Variants in FERMT1 observed in about 807,000 individuals in gnomAD.
FERMT1 encodes the protein fermitin family homolog 1.
In FERMT1, 60 loss-of-function variants were observed where a neutral mutation model predicts 85.3. That is an observed-to-expected ratio of 0.70 (90% confidence interval 0.57 to 0.87). FERMT1 has a LOEUF of 0.87. Among genes scored for constraint, FERMT1 ranks in the 40% least tolerant of loss-of-function variants. The pLI is 0.00. For synonymous variants in FERMT1, 275 were observed against 301.1 expected (o/e 0.91, Z 0.90); for missense variants, 701 against 818.9 (o/e 0.86, Z 1.76).
intron 5 of FERMT1, among the ~76,000 whole-genome samples, chr20:6,107,920 C>T (rs1450648000): frequency 6.6e-6 from 1 of 152,128 alleles, no homozygotes; most frequent in Non-Finnish European, 1.5e-5. Flanking sequence ...GGCTTTAGTG[C>T]AGTGGTGCAG....
chr20:6,106,765 C>T (rs1331475857), intron 6 of FERMT1, among the ~76,000 whole-genome samples: 1 of 152,210 alleles, frequency 6.6e-6, no homozygotes, highest in Non-Finnish European at 1.5e-5. Context: ...CATAGATGAT[C>T]CCTTTCCCTC....
Position 6,079,418 on chromosome 20 carries a change from CA to C in FERMT1, c.1860+17del, listed in dbSNP as rs1568652052. On this transcript the variant is annotated intron_variant, in intron 14 of 14. Coordinates refer to ENST00000217289, the MANE Select transcript of FERMT1 (RefSeq NM_017671.5). ...CATTTATAGGCTCAACACTGAAGAG[CA>C]AAAACTTTCACTTTACCTGCCGGGT... The C allele has an allele frequency of 1.2e-6, 2 of 1,613,890 alleles. No individual in the cohort carries two copies. The highest frequency in any genetic ancestry group is 1.7e-6 in the Non-Finnish European group (2 of 1,179,860).
Position 6,104,659 on chromosome 20 carries a change from G to A in FERMT1, c.849+2873C>T, listed in dbSNP as rs1039821962. On this transcript the variant is annotated intron_variant, in intron 6 of 14. Coordinates refer to ENST00000217289, the MANE Select transcript of FERMT1 (RefSeq NM_017671.5). This position sits in a 1 kb window ranked among gnomAD's most constrained non-coding sequence, Gnocchi z 4.2. ...TTTCACTTTTTAGGCTATGAAGAGG[G>A]AGCTCCTCACCAATTAAGCGGGCAG... 6.6e-6 allele frequency among the ~76,000 whole-genome samples: 1 copy of A among 152,162 alleles called. No homozygotes were observed. Among genetic ancestry groups the A allele is most frequent in the South Asian group, 2.1e-4 (1 of 4,822 alleles).
At chr20:6,111,786 T>G (rs1982958533) in intron 4 of FERMT1, among the ~76,000 whole-genome samples, 1 of 152,132 alleles carries the variant, frequency 6.6e-6, no homozygotes, top group Non-Finnish European at 1.5e-5. Context: ...CATAAAAAAC[T>G]GAATTCAGGA....
rs377153001 is a variant in FERMT1, at chr20:6,112,568, C to A, written c.441G>T (p.Lys147Asn). Reference sequence around the variant, plus strand: ...TATTTTTGTCTTTTTTCTTCTTCTTCTTAAAATAGTCACCAGACGGCTTTA... The same window carrying A: ...TATTTTTGTCTTTTTTCTTCTTCTTATTAAAATAGTCACCAGACGGCTTTA... ...SLLKPSGDYF[K>N]KKKKKDKNNK... The change falls in exon 4 of 15, where the codon AAG (lysine) becomes AAT (asparagine). Residue 147 changes from lysine to asparagine, a missense_variant. Lys to Asn is a moderately conservative substitution (Grantham distance 94). Coordinates refer to ENST00000217289, the MANE Select transcript of FERMT1 (RefSeq NM_017671.5). The A allele has an allele frequency of 4.4e-6, 7 of 1,606,926 alleles. No homozygotes were observed. In the African/African-American group the frequency reaches 8.0e-5, roughly 18 times the overall value.
intron 11 of FERMT1, 87 bp downstream of exon 11, chr20:6,087,690 T>C: frequency 1.3e-6 from 1 of 782,608 alleles, no homozygotes; most frequent in South Asian, 1.4e-5. Context: ...GACACAATAG[T>C]GCTCTAAATT....
chr20:6,109,221 G>A (rs1982878060), intron 5 of FERMT1, among the ~76,000 whole-genome samples: 1 of 152,180 alleles, frequency 6.6e-6, no homozygotes, highest in Non-Finnish European at 1.5e-5. Context: ...ACAATGTGAT[G>A]TTGGAGTGAG....
At chr20:6,122,735 C>A (rs557296586) in intron 1 of FERMT1, 39 bp downstream of exon 1, 1 of 152,380 alleles carries the variant, frequency 6.6e-6, no homozygotes, top group Non-Finnish European at 1.5e-5. Flanking sequence ...GAAAGCCTCC[C>A]AACCTCTAGC....
intron 3 of FERMT1, among the ~76,000 whole-genome samples, chr20:6,113,774 T>C (rs1983025946): frequency 6.6e-6 from 1 of 152,202 alleles, no homozygotes; most frequent in Admixed American, 6.5e-5. Flanking sequence ...AAGTGTAACC[T>C]GATTGGTGAC....
At chr20:6,109,401 G>A (rs1206942449) in intron 5 of FERMT1, among the ~76,000 whole-genome samples, 3 of 152,208 alleles carry the variant, frequency 2.0e-5, no homozygotes, top group Non-Finnish European at 4.4e-5. Flanking sequence ...GCACCCAGGC[G>A]GCACGGGGCC....
rs1173273684 is a variant in FERMT1, at chr20:6,112,528, T to C, written c.481A>G (p.Ile161Val). 1.9e-6 allele frequency: 3 copies of C among 1,612,956 alleles called. No individual in the cohort carries two copies. Among genetic ancestry groups the C allele is most frequent in the Non-Finnish European group, 2.5e-6 (3 of 1,179,450 alleles). ...CTCTCCAGGTTTAGAATATCTTCAA[T>C]TATGGGTTCCTTATTATTTTTGTCT... ...KKDKNNKEPIIEDILNLESSP... is the reference protein window; with the variant it reads ...KKDKNNKEPIVEDILNLESSP... The change falls in exon 4 of 15, where the codon ATT (isoleucine) becomes GTT (valine). Residue 161 changes from isoleucine to valine, a missense_variant. By Grantham distance (29) the Ile-to-Val change is conservative. Transcript: ENST00000217289.
intron 6 of FERMT1, among the ~76,000 whole-genome samples, chr20:6,101,785 TG>T (rs1056412147): frequency 1.5e-4 from 23 of 152,242 alleles, no homozygotes; most frequent in Admixed American, 1.3e-3. Context: ...CCCGAGTAGC[TG>T]GGATTACACG....
At chr20:6,079,706 T>A (rs1981940603) in intron 13 of FERMT1, 129 bp from the exon 14 acceptor site, 5 of 951,174 alleles carry the variant, frequency 5.3e-6, no homozygotes, top group South Asian at 4.6e-5. Context: ...CAATGAAGAA[T>A]TAACTTTCTG....
At chr20:6,095,093 T>A in intron 8 of FERMT1, 105 bp from the exon 9 acceptor site, 1 of 711,270 alleles carries the variant, frequency 1.4e-6, no homozygotes, top group Admixed American at 2.2e-5. Context: ...TGTGCCTATT[T>A]AAATTTGAAT....
rs368135098 is a variant in FERMT1 at position 6,107,302 on chromosome 20, G to A, written c.849+230C>T. 1.1e-4 allele frequency among the ~76,000 whole-genome samples: 17 copies of A among 151,844 alleles called. No individual in the cohort carries two copies. The East Asian group carries it at 1.7e-3, about 16-fold the overall frequency. ...GGGGGCAGTGCATGCCACGCTAGGCGCAAAGATCCTCAGAGACTCCGGCTA... is the reference window on the plus strand; with the variant it reads ...GGGGGCAGTGCATGCCACGCTAGGCACAAAGATCCTCAGAGACTCCGGCTA... On this transcript the variant is annotated intron_variant, in intron 6 of 14. Transcript: ENST00000217289.
chr20:6,121,839 A>C (rs1003056969), intron 1 of FERMT1, among the ~76,000 whole-genome samples: 1 of 152,186 alleles, frequency 6.6e-6, no homozygotes, highest in African/African-American at 2.4e-5. Context: ...AAACTCCTCA[A>C]ACTACGTGAA....
At chr20:6,120,736 C>T (rs186508695) in intron 1 of FERMT1, among the ~76,000 whole-genome samples, 184 of 152,296 alleles carry the variant, frequency 1.2e-3, no homozygotes, top group African/African-American at 4.3e-3. Context: ...GAAAGGGCTT[C>T]TCTGAGGGTG....
intron 8 of FERMT1, 141 bp from the exon 9 acceptor site, chr20:6,095,129 A>C: frequency 1.6e-6 from 1 of 622,068 alleles, no homozygotes; most frequent in Admixed American, 2.6e-5. Context: ...AAAATGAAAA[A>C]CTCAGTTCTT....
At chr20:6,080,331 A>C (rs552029755) in intron 13 of FERMT1, among the ~76,000 whole-genome samples, 1 of 152,254 alleles carries the variant, frequency 6.6e-6, no homozygotes, top group South Asian at 2.1e-4. Flanking sequence ...TGTGTCTTGT[A>C]GAGACAGGGT....
Sources: gnomAD v4.1 joint callset for allele counts (sites outside exome capture counted in the v4.1 genomes callset) on GRCh38, gnomAD v4.1.1 for gene constraint, Gnocchi (gnomAD v3.1) non-coding constraint, MANE v1.5 for transcripts, NCBI Gene and HGNC (gene_info 2026-07-23, HGNC 2026-07-21) for gene names.